The following MBD5 variants were observed in gnomAD, a reference collection of about 807,000 sequenced individuals.
MBD5 encodes the protein methyl-CpG-binding domain protein 5.
A neutral mutation model predicts 117.3 loss-of-function variants in MBD5; 13 were observed. The ratio of observed to expected loss-of-function variants is 0.11; its 90% CI spans 0.07 to 0.18. The LOEUF (loss-of-function observed/expected upper bound fraction) is 0.18, where lower values mean the gene tolerates loss of function less well. Among genes scored for constraint, MBD5 ranks in the 10% least tolerant of loss-of-function variants. MBD5 has a pLI of 1.00. For missense variants in MBD5, 1,879 were observed against 2,093.8 expected (o/e 0.90, Z 2.00); for synonymous variants, 727 against 766.4 (o/e 0.95, Z 0.85).
chr2:148,461,303 G>A (rs865846063), intron 5 of MBD5, among the ~76,000 whole-genome samples: 9 of 151,918 alleles, frequency 5.9e-5, no homozygotes, highest in Middle Eastern at 6.8e-3. Context: ...GGTTGAACTC[G>A]TCACTAAAAT....
chr2:148,468,611 G>A lies in MBD5; in HGVS notation c.668G>A (p.Ser223Asn). ...CGTGGCAGCCATGGAGGCCTGCCCA[G>A]CCCAGCGTCATCAGGTTCCCAGATA... is the stretch of plus-strand genomic sequence containing the variant. The part of the protein sequence containing the change: ...PFRGSHGGLP[S>N]PASSGSQIYG... Residue 223 changes from serine to asparagine, a missense_variant, in exon 8 of 14, where the codon AGC becomes AAC. Ser to Asn is a conservative substitution (Grantham distance 46). This residue lies in a region of MBD5 where 1,666 missense variants were observed against 1,792.2 expected (regional missense o/e 0.93). Coordinates refer to ENST00000642680, the MANE Select transcript of MBD5 (RefSeq NM_001378120.1). 9.9e-6 allele frequency: 16 copies of A among 1,613,908 alleles called. No homozygotes were observed. The highest frequency in any genetic ancestry group is 1.4e-5 in the Non-Finnish European group (16 of 1,179,884).
intron 1 of MBD5, among the ~76,000 whole-genome samples, chr2:148,136,978 T>C (rs1419776082): frequency 6.6e-6 from 1 of 152,172 alleles, no homozygotes; most frequent in Non-Finnish European, 1.5e-5. Flanking sequence ...GTCAGGCTGG[T>C]CTCAAACTTC....
At chr2:148,418,657 A>G (rs920082452) in intron 4 of MBD5, among the ~76,000 whole-genome samples, 2 of 152,204 alleles carry the variant, frequency 1.3e-5, no homozygotes, top group Non-Finnish European at 2.9e-5. Flanking sequence ...ATATTTAGGC[A>G]TATACTTATC....
At chr2:148,161,365 T>A (rs979709180) in intron 1 of MBD5, among the ~76,000 whole-genome samples, 2 of 152,198 alleles carry the variant, frequency 1.3e-5, no homozygotes, top group Non-Finnish European at 2.9e-5. Flanking sequence ...TGCTGGGATC[T>A]GGATCTGAGC....
rs569896406 is a variant in MBD5 at position 148,021,463 on chromosome 2, T to TTGCTGC, written c.-1134_-1129dup. The stretch of plus-strand genomic sequence containing the variant: ...CAACACAGACCCTTTGCTGCTGCTG[T>TTGCTGC]TGCTGCTGCTGCTGCTGTTGCTGCT... On this transcript the variant is annotated 5_prime_UTR_variant, in exon 1 of 14. Coordinates refer to ENST00000642680, the MANE Select transcript of MBD5 (RefSeq NM_001378120.1). 12 of 573,774 alleles carry TTGCTGC rather than the reference T, an allele frequency of 2.1e-5. No homozygotes were observed. The highest frequency in any genetic ancestry group is 1.1e-4 in the Admixed American group (5 of 44,908). 35.5% of individuals were successfully genotyped at this position (573,774 alleles called of 1,614,324 possible).
chr2:148,495,373 C>G (rs550788842), intron 11 of MBD5, among the ~76,000 whole-genome samples: 2 of 152,198 alleles, frequency 1.3e-5, no homozygotes, highest in South Asian at 2.1e-4. Flanking sequence ...TTTATGTTAA[C>G]TAGCTTAAAA....
At chr2:148,455,611 C>G (rs900344904) in intron 4 of MBD5, among the ~76,000 whole-genome samples, 1 of 151,978 alleles carries the variant, frequency 6.6e-6, no homozygotes. Flanking sequence ...ACCCAGCCAT[C>G]AGATATTGGT....
rs145923099 is a variant in MBD5 at position 148,493,290 on chromosome 2, A to G, written c.4962+2696A>G. On this transcript the variant is annotated intron_variant, in intron 11 of 13. Transcript: ENST00000642680. ...GCTTCTCAGCTTTCATACTATTTCT[A>G]TGTCCACCAAAGAATCCAAGATTCT... Among the ~76,000 whole-genome samples, 538 of 152,292 alleles carry G rather than the reference A, an allele frequency of 3.5e-3. 9 individuals carry two copies. The highest frequency in any genetic ancestry group is 0.033 in the Admixed American group (500 of 15,306).
chr2:148,407,971 C>G (rs569606024), intron 4 of MBD5, among the ~76,000 whole-genome samples: 1 of 152,136 alleles, frequency 6.6e-6, no homozygotes, highest in Non-Finnish European at 1.5e-5. Flanking sequence ...AATATATGCT[C>G]CCACACATTA....
At chr2:148,060,851 C>A (rs1372416704) in intron 1 of MBD5, among the ~76,000 whole-genome samples, 4 of 152,056 alleles carry the variant, frequency 2.6e-5, no homozygotes, top group Non-Finnish European at 5.9e-5. Context: ...TATCTCATTG[C>A]CTGACCATTT....
chr2:148,260,668 G>T, intron 3 of MBD5: 1 of 212,602 alleles, frequency 4.7e-6, no homozygotes, highest in Non-Finnish European at 1.0e-5. Context: ...ATATGAGATG[G>T]GCACCACCAA....
At chr2:148,149,105 A>C in intron 1 of MBD5, among the ~76,000 whole-genome samples, 1 of 148,152 alleles carries the variant, frequency 6.7e-6, no homozygotes. Context: ...CCACCCCACA[A>C]CAGTCCCCAG....
chr2:148,403,033 A>T (rs934166250), intron 4 of MBD5, among the ~76,000 whole-genome samples: 4 of 151,990 alleles, frequency 2.6e-5, no homozygotes, highest in Admixed American at 1.3e-4. Context: ...TGCAATGTCT[A>T]ATCTGCTATT....
intron 3 of MBD5, among the ~76,000 whole-genome samples, chr2:148,332,773 A>G (rs960306000): frequency 1.2e-4 from 19 of 152,118 alleles, no homozygotes; most frequent in Admixed American, 1.2e-3. Context: ...GCCTATTTTC[A>G]TTCATTCAGC....
At chr2:148,436,153 G>C (rs1706151722) in intron 4 of MBD5, among the ~76,000 whole-genome samples, 1 of 152,180 alleles carries the variant, frequency 6.6e-6, no homozygotes, top group Non-Finnish European at 1.5e-5. Context: ...TAGCTTATCT[G>C]TGTAGGAATT....
intron 1 of MBD5, among the ~76,000 whole-genome samples, chr2:148,154,623 A>T (rs151313880): frequency 0.012 from 1,868 of 152,314 alleles, 27 homozygotes; most frequent in African/African-American, 0.043. Context: ...GGTGCGGGAT[A>T]TAATCTCATG....
intron 3 of MBD5, among the ~76,000 whole-genome samples, chr2:148,263,416 C>A (rs544112181): frequency 5.9e-5 from 9 of 152,184 alleles, no homozygotes; most frequent in Non-Finnish European, 8.8e-5. Flanking sequence ...TGGGAGAAGA[C>A]AACAGATTAT....
chr2:148,446,517 T>A (rs1007101470), intron 4 of MBD5, among the ~76,000 whole-genome samples: 34 of 152,048 alleles, frequency 2.2e-4, no homozygotes, highest in African/African-American at 8.2e-4. Context: ...AAAACTTTTC[T>A]TATTCTCAAG....
At chr2:148,196,068 G>A (rs1698978957) in intron 2 of MBD5, 1 of 152,150 alleles carries the variant, frequency 6.6e-6, no homozygotes, top group Non-Finnish European at 1.5e-5. Context: ...TGGCCTGGCT[G>A]TTATCTTTGC....
Sources: allele counts gnomAD v4.1 joint callset (sites outside exome capture counted in the v4.1 genomes callset), GRCh38; gene constraint gnomAD v4.1.1; regional missense constraint gnomAD v4.1.1; transcripts MANE v1.5; gene names NCBI Gene and HGNC (gene_info 2026-07-23, HGNC 2026-07-21).